TSC22D1: variants seen among roughly 807,000 people sequenced by gnomAD.
The protein encoded by TSC22D1 is TSC22 domain family member 1, also known as TSC22 domain family protein 1.
In TSC22D1, 9 loss-of-function variants were observed where a neutral mutation model predicts 74.2. The ratio of observed to expected loss-of-function variants is 0.12; its 90% confidence interval spans 0.07 to 0.21. The LOEUF (loss-of-function observed/expected upper bound fraction) is 0.21. Ranked by LOEUF, TSC22D1 falls within the 10% of genes least tolerant of loss-of-function variation. The pLI, the probability that TSC22D1 is intolerant of heterozygous loss-of-function variation, is 1.00. For synonymous variants in TSC22D1, 586 were observed against 492.5 expected (o/e 1.19, Z -2.51); for missense variants, 1,427 against 1,304.7 (o/e 1.09, Z -1.44).
At chr13:44,489,008 C>T (rs1878579543) in intron 1 of TSC22D1, among the ~76,000 whole-genome samples, 1 of 152,046 alleles carries the variant, frequency 6.6e-6, no homozygotes, top group African/African-American at 2.4e-5. Context: ...AAGAGACCTT[C>T]CCAGATACCA....
Position 44,575,248 on chromosome 13 carries a change from G to C in TSC22D1, c.827C>G (p.Pro276Arg), listed in dbSNP as rs750677064. Residue 276 changes from proline to arginine, a missense_variant, in exon 1 of 3, where the codon CCA becomes CGA. Coordinates refer to ENST00000458659, the MANE Select transcript of TSC22D1 (RefSeq NM_183422.4). ...GSSDSITPVA[P>R]TSAVSSSGSP... is the part of the protein sequence containing the mutation. ...ACCACTGGATGATACAGCAGAAGTT[G>C]GTGCAACTGGTGTGATACTGTCAGA... 6.2e-7 allele frequency: 1 copy of C among 1,613,962 alleles called. No homozygotes were observed. Among genetic ancestry groups the C allele is most frequent in the East Asian group, 2.2e-5 (1 of 44,902 alleles).
intron 1 of TSC22D1, among the ~76,000 whole-genome samples, chr13:44,552,096 G>T (rs1882321036): frequency 1.3e-5 from 2 of 152,132 alleles, no homozygotes; most frequent in African/African-American, 4.8e-5. Flanking sequence ...ATTCCCAAAA[G>T]AACCATGAAT....
At chr13:44,532,431 G>A (rs1282440203) in intron 1 of TSC22D1, among the ~76,000 whole-genome samples, 1 of 152,114 alleles carries the variant, frequency 6.6e-6, no homozygotes, top group Admixed American at 6.6e-5. Context: ...TGCTGGTTTG[G>A]TGTCACACAC....
chr13:44,498,013 C>T (rs1485290722), intron 1 of TSC22D1, among the ~76,000 whole-genome samples: 3 of 151,950 alleles, frequency 2.0e-5, no homozygotes, highest in Non-Finnish European at 4.4e-5. Context: ...TCACTCCTCC[C>T]CTTCCTCCAC....
intron 1 of TSC22D1, chr13:44,538,059 T>G (rs1277080502): frequency 1.0e-6 from 1 of 985,214 alleles, no homozygotes; most frequent in Non-Finnish European, 1.2e-6. Context: ...AATTGACAGC[T>G]TGGATAAATA....
chr13:44,458,532 G>A (rs930697802), intron 1 of TSC22D1, among the ~76,000 whole-genome samples: 5 of 152,278 alleles, frequency 3.3e-5, no homozygotes, highest in East Asian at 1.9e-4. Context: ...AGGAACAGGC[G>A]GGAGCCCCAC....
At chr13:44,538,854 TGAA>T in intron 1 of TSC22D1, 1 of 985,402 alleles carries the variant, frequency 1.0e-6, no homozygotes, top group South Asian at 4.7e-5. Context: ...TTCCTTTTGC[TGAA>T]GAAGTATGAT....
intron 1 of TSC22D1, among the ~76,000 whole-genome samples, chr13:44,438,508 AATG>A (rs1302099757): frequency 6.6e-6 from 1 of 152,210 alleles, no homozygotes; most frequent in Non-Finnish European, 1.5e-5. Flanking sequence ...AAGCACAGTA[AATG>A]ATGAAGACCA....
chr13:44,543,877 G>A (rs185570947), intron 1 of TSC22D1, among the ~76,000 whole-genome samples: 1 of 152,222 alleles, frequency 6.6e-6, no homozygotes, highest in African/African-American at 2.4e-5. Context: ...CGATCACCTG[G>A]GGTCAGGAGT....
At chr13:44,563,110 A>G (rs981229562) in intron 1 of TSC22D1, among the ~76,000 whole-genome samples, 16 of 152,182 alleles carry the variant, frequency 1.1e-4, no homozygotes, top group African/African-American at 3.9e-4. Flanking sequence ...ATCTCAAAAA[A>G]AAAAAAAAAT....
At position 44,434,371 on chromosome 13, in the gene TSC22D1, G is replaced by A; in HGVS notation, c.*255C>T. On this transcript the variant is annotated 3_prime_UTR_variant, in exon 3 of 3. Coordinates refer to ENST00000458659, the MANE Select transcript of TSC22D1 (RefSeq NM_183422.4). ...GAATTAAACCATTTCTCAGATATCTGCCAAGCTGCATGAGGTCCCGGTATA... is the reference window on the plus strand; with the variant it reads ...GAATTAAACCATTTCTCAGATATCTACCAAGCTGCATGAGGTCCCGGTATA... The A allele has an allele frequency of 7.3e-7, 1 of 1,373,220 alleles. No homozygotes were observed. Among genetic ancestry groups the A allele is most frequent in the Middle Eastern group, 2.7e-4 (1 of 3,762 alleles). 85.1% of individuals were successfully genotyped at this position (1,373,220 alleles called of 1,614,324 possible).
intron 1 of TSC22D1, among the ~76,000 whole-genome samples, chr13:44,458,569 C>T (rs1437431038): frequency 6.6e-6 from 1 of 152,034 alleles, no homozygotes; most frequent in Non-Finnish European, 1.5e-5. Context: ...AGGACAGAAG[C>T]CTGCACTCCC....
At chr13:44,454,205 G>A (rs575988817) in intron 1 of TSC22D1, among the ~76,000 whole-genome samples, 5 of 152,256 alleles carry the variant, frequency 3.3e-5, no homozygotes, top group South Asian at 2.1e-4. Context: ...GATTGGGGGA[G>A]GGGGACAGCA....
intron 1 of TSC22D1, among the ~76,000 whole-genome samples, chr13:44,512,319 A>G (rs1168332789): frequency 6.6e-6 from 1 of 150,820 alleles, no homozygotes; most frequent in African/African-American, 2.4e-5. Flanking sequence ...ACAGGCGCCC[A>G]TCACCGCGCC....
chr13:44,458,943 G>A (rs1210371845), intron 1 of TSC22D1, among the ~76,000 whole-genome samples: 1 of 152,200 alleles, frequency 6.6e-6, no homozygotes, highest in African/African-American at 2.4e-5. Flanking sequence ...CACTGTGGAT[G>A]GCATGTTGAT....
In TSC22D1 at chr13:44,512,145, ATTTC is replaced by A. The variant is rs1566146668; in HGVS notation, c.2912+61014_2912+61017del. Reference sequence around the variant, plus strand: ...ACTGGCCATCTCTACTTGGATATTTATTTCTTTTTTTGTTTGTTTGTTTTCTTTT... The same window carrying A: ...ACTGGCCATCTCTACTTGGATATTTATTTTTTTGTTTGTTTGTTTTCTTTT... On this transcript the variant is annotated intron_variant, in intron 1 of 2. Coordinates refer to ENST00000458659, the MANE Select transcript of TSC22D1 (RefSeq NM_183422.4). Among the ~76,000 whole-genome samples the A allele has an allele frequency of 1.1e-4, 17 of 151,304 alleles. No homozygotes were observed. The South Asian group carries it at 2.5e-3, about 22-fold the overall frequency.
intron 1 of TSC22D1, among the ~76,000 whole-genome samples, chr13:44,486,538 G>A (rs895155083): frequency 1.2e-4 from 19 of 152,116 alleles, no homozygotes; most frequent in African/African-American, 4.6e-4. Flanking sequence ...CTATATTACT[G>A]TTAGGTCTAG....
rs980122064 is a variant in TSC22D1, at chr13:44,433,798, G to T, written c.*828C>A. 1.4e-5 allele frequency: 8 copies of T among 551,792 alleles called. No homozygotes were observed. Among genetic ancestry groups the T allele is most frequent in the Non-Finnish European group, 2.1e-5 (7 of 329,074 alleles). The allele number at this position is 551,792 out of a possible 1,614,324, so 34.2% of individuals were successfully genotyped here. A position where few individuals can be genotyped will look rare whatever the true frequency, so the allele number is the denominator to read the frequency against. On this transcript the variant is annotated 3_prime_UTR_variant, in exon 3 of 3. Transcript: ENST00000458659. Reference sequence around the variant, plus strand: ...CAGATTACACAAAGTGAGTAACTGTGCCAAATTCTTAAAATTTCTTTAGGT... The same window carrying T: ...CAGATTACACAAAGTGAGTAACTGTTCCAAATTCTTAAAATTTCTTTAGGT...
At chr13:44,452,309 A>G (rs1650124146) in intron 1 of TSC22D1, among the ~76,000 whole-genome samples, 1 of 152,186 alleles carries the variant, frequency 6.6e-6, no homozygotes, top group East Asian at 1.9e-4. Context: ...CTCATACCCC[A>G]GTTAATCTTT....
Sources: allele counts gnomAD v4.1 joint callset (sites outside exome capture counted in the v4.1 genomes callset), GRCh38; gene constraint gnomAD v4.1.1; transcripts MANE v1.5; gene names NCBI Gene and HGNC (gene_info 2026-07-23, HGNC 2026-07-21).